The following PLEKHS1 variants were observed in gnomAD, a reference collection of about 807,000 sequenced individuals.
PLEKHS1 encodes pleckstrin homology domain-containing family S member 1.
Under a neutral mutation model 51.0 loss-of-function variants are expected in PLEKHS1, and 55 were observed. The ratio of observed to expected loss-of-function variants is 1.08; its 90% CI spans 0.87 to 1.35. The LOEUF is 1.35. Ranked by LOEUF, PLEKHS1 falls within the 40% of genes most tolerant of loss-of-function variation. The pLI, the probability that PLEKHS1 is intolerant of heterozygous loss-of-function variation, is 0.00. For missense variants in PLEKHS1, 398 were observed against 423.0 expected, an observed-to-expected ratio of 0.94 and a Z score of 0.52; for synonymous variants, 153 against 144.8, an observed-to-expected ratio of 1.06 and a Z score of -0.41.
intron 2 of PLEKHS1, among the ~76,000 whole-genome samples, chr10:113,765,680 T>G (rs965735513): frequency 6.6e-6 from 1 of 152,240 alleles, no homozygotes; most frequent in Non-Finnish European, 1.5e-5. Flanking sequence ...ACAATAAATA[T>G]GTATCATATT....
At chr10:113,775,624 A>G (rs1844614515) in intron 10 of PLEKHS1, 141 bp from the exon 11 acceptor site, 3 of 546,950 alleles carry the variant, frequency 5.5e-6, no homozygotes, top group Non-Finnish European at 9.5e-6. Context: ...ACTTAAATTT[A>G]TATTATTCTC....
chr10:113,761,083 G>A (rs995440676), intron 2 of PLEKHS1, among the ~76,000 whole-genome samples: 21 of 152,232 alleles, frequency 1.4e-4, no homozygotes, highest in East Asian at 3.9e-4. Context: ...TTGAATGGCC[G>A]TGACCACTAA....
chr10:113,777,620 G>A, intron 11 of PLEKHS1: 1 of 1,543,284 alleles, frequency 6.5e-7, no homozygotes, highest in Non-Finnish European at 8.8e-7. Context: ...TGATGGTGCT[G>A]GTTGTTGGAT....
chr10:113,770,307 C>T (rs1209293322), intron 7 of PLEKHS1, among the ~76,000 whole-genome samples: 1 of 152,220 alleles, frequency 6.6e-6, no homozygotes, highest in African/African-American at 2.4e-5. Context: ...TTGTTAATCT[C>T]TTCCCTTTAC....
At position 113,777,738 on chromosome 10, in the gene PLEKHS1, A is replaced by G; in HGVS notation, c.1091+1872A>G. 3 of 1,472,690 alleles carry G rather than the reference A, an allele frequency of 2.0e-6. No homozygotes were observed. In the African/African-American group the frequency reaches 4.2e-5, roughly 21 times the overall value. 91.2% of individuals were successfully genotyped at this position (1,472,690 alleles called of 1,614,324 possible). The stretch of plus-strand genomic sequence containing the variant: ...TACTTCTACTACAACTGACCATGGA[A>G]TGTTATTCAAGCCCATTTTTTAAAG... On this transcript the variant is annotated intron_variant, in intron 11 of 11. Coordinates refer to ENST00000361048, the Ensembl canonical transcript of PLEKHS1.
At chr10:113,765,677 A>G (rs1844129445) in intron 2 of PLEKHS1, among the ~76,000 whole-genome samples, 1 of 152,334 alleles carries the variant, frequency 6.6e-6, no homozygotes, top group East Asian at 1.9e-4. Context: ...TCTACAATAA[A>G]TATGTATCAT....
chr10:113,760,170 T>A (rs1368079038), intron 2 of PLEKHS1, among the ~76,000 whole-genome samples: 1 of 152,246 alleles, frequency 6.6e-6, no homozygotes, highest in African/African-American at 2.4e-5. Flanking sequence ...GATTTACCCA[T>A]GTCGTTGCAT....
Position 113,775,841 on chromosome 10 carries a change from C to G in PLEKHS1, c.1066C>G (p.Leu356Val), listed in dbSNP as rs753012767. 6.0e-5 allele frequency: 96 copies of G among 1,612,362 alleles called. No individual in the cohort carries two copies. In the South Asian group the frequency reaches 1.0e-3, roughly 17 times the overall value. Residue 356 changes from leucine (L) to valine (V), a missense_variant, in exon 11 of 12, where the codon CTC (leucine) becomes GTC (valine). Transcript: ENST00000361048. The stretch of plus-strand genomic sequence containing the variant: ...TCCTGATGTCATCAACTATCTTGCT[C>G]TCACAGAAGCCACAGGACGGATATG...
intron 2 of PLEKHS1, among the ~76,000 whole-genome samples, chr10:113,755,877 A>C (rs1854085097): frequency 6.6e-6 from 1 of 152,256 alleles, no homozygotes; most frequent in African/African-American, 2.4e-5. Context: ...CCCAAAGATG[A>C]TGTTAATAGC....
At chr10:113,769,037 TTTATGA>T in intron 6 of PLEKHS1, 147 bp downstream of exon 6, 1 of 539,028 alleles carries the variant, frequency 1.9e-6, no homozygotes, top group Non-Finnish European at 3.1e-6. Flanking sequence ...CTTATTACTT[TTTATGA>T]TTAACAGAAA....
intron 7 of PLEKHS1, chr10:113,771,112 A>G (rs1047330407): frequency 1.1e-4 from 17 of 152,220 alleles, no homozygotes; most frequent in African/African-American, 3.9e-4. Context: ...TTAGTAGAAT[A>G]TTCTGTATCT....
chr10:113,775,069 T>G, intron 10 of PLEKHS1, 34 bp downstream of exon 10: 74 of 1,527,470 alleles, frequency 4.8e-5, no homozygotes, highest in Non-Finnish European at 6.2e-5. Context: ...TGATGGGCCC[T>G]AAGAGCAAGG....
intron 1 of PLEKHS1, among the ~76,000 whole-genome samples, chr10:113,751,991 A>C (rs1334172578): frequency 6.6e-6 from 1 of 152,154 alleles, no homozygotes; most frequent in Non-Finnish European, 1.5e-5. Context: ...TGTTATAATA[A>C]ATGGGTCAGG....
intron 6 of PLEKHS1, 77 bp from the exon 7 acceptor site, chr10:113,769,707 A>G: frequency 1.1e-6 from 1 of 875,736 alleles, no homozygotes; most frequent in Non-Finnish European, 1.9e-6. Context: ...GGAGGCAAGG[A>G]GCCCGGTAGA....
chr10:113,765,283 G>T, intron 2 of PLEKHS1: 1 of 762,544 alleles, frequency 1.3e-6, no homozygotes, highest in Non-Finnish European at 2.4e-6. Flanking sequence ...GCTCAGTGTA[G>T]AACTAGTAAT....
intron 1 of PLEKHS1, among the ~76,000 whole-genome samples, chr10:113,752,291 A>G (rs1853878228): frequency 6.6e-6 from 1 of 152,224 alleles, no homozygotes; most frequent in African/African-American, 2.4e-5. Context: ...TGCAAGCTTT[A>G]GAGTACGGTT....
At position 113,778,406 on chromosome 10, in the gene PLEKHS1, GT is replaced by G. The variant is rs574311213; in HGVS notation, c.*-2195del. On this transcript the variant is annotated intron_variant, in intron 11 of 11. Transcript: ENST00000361048. ...TGGCTTCAAATTTCTGAAAACCATT[GT>G]ATTAGATGATTTCCAAATTTCTTCC... Among the ~76,000 whole-genome samples the G allele has an allele frequency of 2.1e-3, 317 of 152,266 alleles. 3 individuals carry two copies. Among genetic ancestry groups the G allele is most frequent in the African/African-American group, 7.2e-3 (298 of 41,550 alleles).
chr10:113,758,208 C>T (rs553059536), intron 2 of PLEKHS1, among the ~76,000 whole-genome samples: 1 of 152,212 alleles, frequency 6.6e-6, no homozygotes, highest in Non-Finnish European at 1.5e-5. Flanking sequence ...TAACTTTGCC[C>T]AGATCCATCA....
At chr10:113,769,713 G>A (rs1451449232) in intron 6 of PLEKHS1, 71 bp from the exon 7 acceptor site, 10 of 941,754 alleles carry the variant, frequency 1.1e-5, no homozygotes, top group Admixed American at 5.1e-5. Context: ...AAGGAGCCCG[G>A]TAGAGAGGCT....
Sources: gnomAD v4.1 joint callset for allele counts (sites outside exome capture counted in the v4.1 genomes callset) on GRCh38, gnomAD v4.1.1 for gene constraint, MANE v1.5 for transcripts, NCBI Gene and HGNC (gene_info 2026-07-23, HGNC 2026-07-21) for gene names.